Variants in ELL observed in about 807,000 individuals in gnomAD.
ELL encodes the protein RNA polymerase II elongation factor ELL.
A neutral mutation model predicts 64.0 loss-of-function variants in ELL; 18 were observed. That is an observed-to-expected ratio of 0.28 (90% confidence interval 0.19 to 0.42). The LOEUF (loss-of-function observed/expected upper bound fraction) is 0.42. Ranked by LOEUF, ELL falls within the 10% of genes least tolerant of loss-of-function variation. ELL has a pLI of 1.00. For synonymous variants in ELL, 399 were observed against 376.2 expected (o/e 1.06, Z -0.70); for missense variants, 797 against 870.4 (o/e 0.92, Z 1.06).
chr19:18,469,496 T>C (rs1975016867), intron 2 of ELL, among the ~76,000 whole-genome samples: 1 of 152,232 alleles, frequency 6.6e-6, no homozygotes, highest in African/African-American at 2.4e-5. Flanking sequence ...GGGGTCTTGG[T>C]TGCTCCTTGG....
At chr19:18,480,643 T>C (rs1488844919) in intron 1 of ELL, among the ~76,000 whole-genome samples, 2 of 152,198 alleles carry the variant, frequency 1.3e-5, no homozygotes. Flanking sequence ...TTTTTCTTTC[T>C]TTCTTTTTGG....
intron 1 of ELL, among the ~76,000 whole-genome samples, chr19:18,512,111 T>A (rs1430262847): frequency 6.7e-6 from 1 of 149,210 alleles, no homozygotes; most frequent in Non-Finnish European, 1.5e-5. Flanking sequence ...GCCAAGATCA[T>A]GCCACTGCAC....
chr19:18,446,235 G>A, intron 10 of ELL, 74 bp downstream of exon 10: 1 of 1,097,432 alleles, frequency 9.1e-7, no homozygotes, highest in South Asian at 1.7e-5. Context: ...AGCTCGTGGT[G>A]GCGATGGTGC....
chr19:18,499,382 T>C (rs973301837), intron 1 of ELL, among the ~76,000 whole-genome samples: 6 of 152,198 alleles, frequency 3.9e-5, no homozygotes, highest in African/African-American at 1.4e-4. Flanking sequence ...GCAAGGCTGC[T>C]GAAACAACAT....
intron 2 of ELL, among the ~76,000 whole-genome samples, chr19:18,466,425 G>C (rs1436061487): frequency 6.6e-6 from 1 of 152,206 alleles, no homozygotes; most frequent in Admixed American, 6.5e-5. Flanking sequence ...GACTCCACGT[G>C]AGTCTCCATT....
chr19:18,493,522 G>C lies in ELL; in HGVS notation c.136-20640C>G, dbSNP rs1234720565. Among the ~76,000 whole-genome samples, 4 of 152,384 alleles carry C rather than the reference G, an allele frequency of 2.6e-5. No homozygotes were observed. In the East Asian group the frequency reaches 7.7e-4, roughly 29 times the overall value. ...GAACTGGGAGTGAGCTGCCGCACTT[G>C]GGAGGAGAGAGTGACATGAACATGG... On this transcript the variant is annotated intron_variant, in intron 1 of 11. Coordinates refer to ENST00000262809, the MANE Select transcript of ELL (RefSeq NM_006532.4).
intron 5 of ELL, among the ~76,000 whole-genome samples, chr19:18,458,780 G>A (rs1974738699): frequency 1.3e-5 from 2 of 152,032 alleles, no homozygotes; most frequent in African/African-American, 4.8e-5. Flanking sequence ...CCACAGGTGT[G>A]CACCACTATA....
chr19:18,492,849 C>T (rs1975560251), intron 1 of ELL, among the ~76,000 whole-genome samples: 1 of 152,070 alleles, frequency 6.6e-6, no homozygotes, highest in African/African-American at 2.4e-5. Context: ...CTCTCTGAGC[C>T]TCAGTTTTCT....
chr19:18,513,806 C>G (rs1489203649), intron 1 of ELL, among the ~76,000 whole-genome samples: 1 of 152,060 alleles, frequency 6.6e-6, no homozygotes, highest in Non-Finnish European at 1.5e-5. Context: ...TGGCGGGCGC[C>G]TGTAGTCCCA....
intron 5 of ELL, among the ~76,000 whole-genome samples, chr19:18,460,827 C>G (rs970338734): frequency 8.5e-5 from 13 of 152,222 alleles, no homozygotes; most frequent in Non-Finnish European, 1.3e-4. Context: ...TCCTCCACCA[C>G]AGCAGCGATC....
intron 1 of ELL, among the ~76,000 whole-genome samples, chr19:18,481,940 CA>C (rs562325888): frequency 4.9e-4 from 75 of 152,316 alleles, no homozygotes; most frequent in Non-Finnish European, 9.4e-4. Flanking sequence ...GGCTGGCTCC[CA>C]AAGTTGCTGT....
chr19:18,475,921 C>T (rs1159136170), intron 1 of ELL: 1 of 152,282 alleles, frequency 6.6e-6, no homozygotes, highest in African/African-American at 2.4e-5. Flanking sequence ...CTCTGACACA[C>T]ACACGGCGAG....
At chr19:18,518,411 G>A (rs1976176220) in intron 1 of ELL, among the ~76,000 whole-genome samples, 1 of 151,754 alleles carries the variant, frequency 6.6e-6, no homozygotes, top group African/African-American at 2.4e-5. Flanking sequence ...TGAAGCAGGA[G>A]GGTGGTAGTT....
intron 6 of ELL, among the ~76,000 whole-genome samples, chr19:18,454,109 A>G (rs953609831): frequency 2.0e-5 from 3 of 152,194 alleles, no homozygotes; most frequent in African/African-American, 7.2e-5. Context: ...TGGCTGCACA[A>G]TATTATGAAC....
intron 1 of ELL, among the ~76,000 whole-genome samples, chr19:18,508,487 C>T (rs1975931313): frequency 6.6e-6 from 1 of 152,160 alleles, no homozygotes; most frequent in African/African-American, 2.4e-5. Flanking sequence ...ATAAAGGGGC[C>T]AGAACAAAAG....
At chr19:18,518,722 C>T (rs1729209713) in intron 1 of ELL, among the ~76,000 whole-genome samples, 1 of 150,800 alleles carries the variant, frequency 6.6e-6, no homozygotes, top group Admixed American at 6.6e-5. Context: ...ACCCGGGAGG[C>T]GGAGGTTGCA....
chr19:18,505,130 G>A (rs1208039273), intron 1 of ELL, among the ~76,000 whole-genome samples: 3 of 152,182 alleles, frequency 2.0e-5, no homozygotes, highest in African/African-American at 7.2e-5. Context: ...CCAGAGGGCA[G>A]TGACATACCA....
intron 1 of ELL, 53 bp from the exon 2 acceptor site, chr19:18,472,935 T>C (rs901954067): frequency 6.6e-6 from 10 of 1,513,384 alleles, no homozygotes; most frequent in South Asian, 1.3e-5. Flanking sequence ...AATAAAGACA[T>C]TGGGAAACCC....
intron 1 of ELL, among the ~76,000 whole-genome samples, chr19:18,511,700 T>C (rs1306356081): frequency 6.6e-6 from 1 of 152,044 alleles, no homozygotes; most frequent in Non-Finnish European, 1.5e-5. Flanking sequence ...TGCTGTGGGC[T>C]TTCCAGTGGG....
Sources: gnomAD v4.1 joint callset for allele counts (sites outside exome capture counted in the v4.1 genomes callset) on GRCh38, gnomAD v4.1.1 for gene constraint, MANE v1.5 for transcripts, NCBI Gene and HGNC (gene_info 2026-07-23, HGNC 2026-07-21) for gene names.